Variants in SLC27A1 observed in about 807,000 individuals in gnomAD.
SLC27A1 encodes long-chain fatty acid transport protein 1.
In SLC27A1, 61 loss-of-function variants were observed where a neutral mutation model predicts 62.2. The observed-to-expected ratio is 0.98, with a 90% CI of 0.80 to 1.21. The LOEUF (loss-of-function observed/expected upper bound fraction) is 1.21. SLC27A1 is among the 50% of genes most tolerant of loss of function. The pLI is 0.00. For synonymous variants in SLC27A1, 435 were observed against 408.6 expected (o/e 1.06, Z -0.78); for missense variants, 903 against 932.1 (o/e 0.97, Z 0.41).
chr19:17,476,056 T>C (rs2075118805), intron 1 of SLC27A1, among the ~76,000 whole-genome samples: 1 of 152,124 alleles, frequency 6.6e-6, no homozygotes, highest in African/African-American at 2.4e-5. Flanking sequence ...GTGGCCTCAG[T>C]TCCTGTTTCT....
At chr19:17,485,835 C>CA (rs959162239) in intron 1 of SLC27A1, among the ~76,000 whole-genome samples, 2 of 151,522 alleles carry the variant, frequency 1.3e-5, no homozygotes, top group African/African-American at 4.9e-5. Context: ...AAAAAAAAAA[C>CA]AAAAAAACAG....
chr19:17,474,710 A>G (rs1209895616), intron 1 of SLC27A1, among the ~76,000 whole-genome samples: 2 of 142,348 alleles, frequency 1.4e-5, no homozygotes, highest in East Asian at 2.1e-4. Context: ...GGCTCACCGC[A>G]ACCTCCGCCT....
chr19:17,470,575 T>A lies in SLC27A1; in HGVS notation c.35T>A (p.Val12Asp). ...RAPGAGAASV[V>D]SLALLWLLGL... ...CCGGGTGCGGGCGCGGCCTCGGTGG[T>A]CTCGCTGGCGCTGTTGTGGCTGCTG... Residue 12 changes from valine (V) to aspartate (D), a missense_variant, in exon 1 of 12, where the codon GTC (valine) becomes GAC (aspartate). By Grantham distance (152) the Val-to-Asp change is radical (BLOSUM62 -3). Transcript: ENST00000252595. 6.4e-7 allele frequency: 1 copy of A among 1,569,332 alleles called. No individual in the cohort carries two copies. The highest frequency in any genetic ancestry group is 1.1e-5 in the South Asian group (1 of 87,368).
chr19:17,491,187 T>G (rs2075290508), intron 6 of SLC27A1: 1 of 150,770 alleles, frequency 6.6e-6, no homozygotes, highest in Non-Finnish European at 1.5e-5. Context: ...GGTGACAGAG[T>G]GAGATTCCAT....
At chr19:17,502,967 G>A (rs1409770869) in intron 11 of SLC27A1, among the ~76,000 whole-genome samples, 1 of 152,188 alleles carries the variant, frequency 6.6e-6, no homozygotes, top group East Asian at 1.9e-4. Context: ...GGAACTCACA[G>A]TTCCACATGG....
intron 9 of SLC27A1, 23 bp downstream of exon 9, chr19:17,500,655 G>A: frequency 6.2e-7 from 1 of 1,613,944 alleles, no homozygotes; most frequent in Non-Finnish European, 8.5e-7. Flanking sequence ...CTAGGCCCCG[G>A]TGACTGGCTG....
In SLC27A1 at chr19:17,489,548, G is replaced by A. The variant is rs2075275087; in HGVS notation, c.996+431G>A. Among the ~76,000 whole-genome samples, 7 of 152,268 alleles carry A rather than the reference G, an allele frequency of 4.6e-5. No individual in the cohort carries two copies. The South Asian group carries it at 1.5e-3, about 32-fold the overall frequency. ...CTGGGGAAACTAAGGCTTGTAATGC[G>A]GCTAGGATTGGGCCCAGGGTGCCTG... On this transcript the variant is annotated intron_variant, in intron 6 of 11. Transcript: ENST00000252595.
At position 17,497,587 on chromosome 19, in the gene SLC27A1, C is replaced by G. The variant is rs1017075009; in HGVS notation, c.1206+123C>G. ...TGGCGCGGAAGGCTCCGCCAAGGCGCACGCAGGGCGGGGTGTAAGGGGAGT... is the reference window on the plus strand; with the variant it reads ...TGGCGCGGAAGGCTCCGCCAAGGCGGACGCAGGGCGGGGTGTAAGGGGAGT... On this transcript the variant is annotated intron_variant, in intron 7 of 11. Transcript: ENST00000252595. 10 of 886,414 alleles carry G rather than the reference C, an allele frequency of 1.1e-5. No individual in the cohort carries two copies. The African/African-American group carries it at 1.3e-4, about 12-fold the overall frequency. The allele number at this position is 886,414 out of a possible 1,614,324, so 54.9% of individuals were successfully genotyped here. A position where few individuals can be genotyped will look rare whatever the true frequency, so the allele number is the denominator to read the frequency against.
rs1599656913 is a variant in SLC27A1 at position 17,489,146 on chromosome 19, C to T, written c.996+29C>T. On this transcript the variant is annotated intron_variant, in intron 6 of 11. Coordinates refer to ENST00000252595, the MANE Select transcript of SLC27A1 (RefSeq NM_198580.3). ...AGGCCCTGCCCTGTTCTGTCTAGAC[C>T]CCGCCCCTCCCAGCCAGGCCTCACC... is the stretch of plus-strand genomic sequence containing the variant. 4.4e-6 allele frequency: 7 copies of T among 1,581,980 alleles called. 1 individual carries two copies. The Admixed American group carries it at 1.0e-4, about 24-fold the overall frequency.
intron 1 of SLC27A1, among the ~76,000 whole-genome samples, chr19:17,474,001 G>A: frequency 6.6e-6 from 1 of 152,060 alleles, no homozygotes; most frequent in Non-Finnish European, 1.5e-5. Context: ...GGAGTGCAGT[G>A]GTGTGATCAT....
intron 1 of SLC27A1, among the ~76,000 whole-genome samples, chr19:17,475,600 G>A (rs771669295): frequency 1.3e-5 from 2 of 152,184 alleles, no homozygotes; most frequent in African/African-American, 2.4e-5. Context: ...AGAGAGGGGA[G>A]GTTATTTGCC....
At chr19:17,491,916 A>G (rs2075298056) in intron 6 of SLC27A1, among the ~76,000 whole-genome samples, 1 of 152,148 alleles carries the variant, frequency 6.6e-6, no homozygotes, top group Admixed American at 6.6e-5. Flanking sequence ...AAAATATTTC[A>G]TCTGTAGGTG....
At chr19:17,485,404 G>T (rs1345117214) in intron 1 of SLC27A1, among the ~76,000 whole-genome samples, 3 of 151,438 alleles carry the variant, frequency 2.0e-5, no homozygotes, top group African/African-American at 7.3e-5. Context: ...TAGCCAGGAT[G>T]GTCTCAATCT....
intron 9 of SLC27A1, 24 bp downstream of exon 9, chr19:17,500,656 T>C (rs1251848837): frequency 1.2e-6 from 2 of 1,613,974 alleles, no homozygotes; most frequent in Non-Finnish European, 1.7e-6. Context: ...TAGGCCCCGG[T>C]GACTGGCTGT....
At chr19:17,500,236 G>A (rs759734488) in intron 7 of SLC27A1, 42 bp from the exon 8 acceptor site, 34 of 1,600,468 alleles carry the variant, frequency 2.1e-5, no homozygotes, top group African/African-American at 2.7e-5. Context: ...GAAGGACCCC[G>A]CATATCCCCG....
chr19:17,478,257 A>G (rs1439038416), intron 1 of SLC27A1, among the ~76,000 whole-genome samples: 1 of 151,754 alleles, frequency 6.6e-6, no homozygotes, highest in Non-Finnish European at 1.5e-5. Flanking sequence ...ACCTGAGGTC[A>G]GGAGTTTGAG....
At position 17,501,241 on chromosome 19, in the gene SLC27A1, C is replaced by T. The variant is rs769206614; in HGVS notation, c.1637-32C>T. ...TCCTGCTGGTGGGGAGGATGAGAGG[C>T]GGGGTGTCCTCAGCTGAGCCTCTGC... On this transcript the variant is annotated intron_variant, in intron 10 of 11. Coordinates refer to ENST00000252595, the MANE Select transcript of SLC27A1 (RefSeq NM_198580.3). 12 of 1,606,360 alleles carry T rather than the reference C, an allele frequency of 7.5e-6. No homozygotes were observed. In the African/African-American group the frequency reaches 8.0e-5, roughly 11 times the overall value.
chr19:17,481,111 G>T (rs2075173635), intron 1 of SLC27A1, among the ~76,000 whole-genome samples: 1 of 151,746 alleles, frequency 6.6e-6, no homozygotes, highest in African/African-American at 2.4e-5. Flanking sequence ...TTTTAGTTGA[G>T]ACAGGGTTTC....
rs2075471049 is a variant in SLC27A1, at chr19:17,505,569, G to A, written c.*957G>A. On this transcript the variant is annotated 3_prime_UTR_variant, in exon 12 of 12. Transcript: ENST00000252595. Reference sequence around the variant, plus strand: ...ACCTTCCCCTCCTGATGCCCTGAAAGCTTCCGGAATTGACTGTGACCACTT... The same window carrying A: ...ACCTTCCCCTCCTGATGCCCTGAAAACTTCCGGAATTGACTGTGACCACTT... 1 of 152,956 alleles carries A rather than the reference G, an allele frequency of 6.5e-6. No homozygotes were observed. Among genetic ancestry groups the A allele is most frequent in the Non-Finnish European group, 1.5e-5 (1 of 68,576 alleles). 9.5% of individuals were successfully genotyped at this position (152,956 alleles called of 1,614,324 possible). A position where few individuals can be genotyped will look rare whatever the true frequency, so the allele number is the denominator to read the frequency against.
Sources: gnomAD v4.1 joint callset for allele counts (sites outside exome capture counted in the v4.1 genomes callset) on GRCh38, gnomAD v4.1.1 for gene constraint, MANE v1.5 for transcripts, NCBI Gene and HGNC (gene_info 2026-07-23, HGNC 2026-07-21) for gene names.